MECOM: variants seen among roughly 807,000 people sequenced by gnomAD.
MECOM encodes the protein MDS1 and EVI1 complex locus.
Under a neutral mutation model 116.3 loss-of-function variants are expected in MECOM, and 13 were observed. The observed-to-expected ratio is 0.11, with a 90% CI of 0.07 to 0.18. The LOEUF is 0.18. Among genes scored for constraint, MECOM ranks in the 10% least tolerant of loss-of-function variants. The pLI, the probability that MECOM is intolerant of heterozygous loss-of-function variation, is 1.00. For missense variants in MECOM, 1,299 were observed against 1,509.0 expected (o/e 0.86, Z 2.31); for synonymous variants, 528 against 535.2 (o/e 0.99, Z 0.19).
intron 1 of MECOM, among the ~76,000 whole-genome samples, chr3:169,635,204 A>G (rs984906662): frequency 6.6e-6 from 1 of 152,224 alleles, no homozygotes; most frequent in African/African-American, 2.4e-5. Flanking sequence ...TTGTTTTCTC[A>G]TCTATAAAAC....
chr3:169,299,284 C>T (rs1438454858), intron 2 of MECOM, among the ~76,000 whole-genome samples: 2 of 152,062 alleles, frequency 1.3e-5, no homozygotes, highest in Non-Finnish European at 2.9e-5. Context: ...GTAAACCCGC[C>T]GCCCAAACCG....
rs1200645292 is a variant in MECOM, at chr3:169,442,861, G to T, written c.38-61337C>A. ...ACCCTGAATACAGAATTGGTCAAAT[G>T]GAGTAGTATCTTTATGGCCCTAATA... On this transcript the variant is annotated intron_variant, in intron 1 of 16. Coordinates refer to ENST00000651503, the MANE Select transcript of MECOM (RefSeq NM_004991.4). 3.3e-5 allele frequency among the ~76,000 whole-genome samples: 5 copies of T among 152,078 alleles called. No homozygotes were observed. In the East Asian group the frequency reaches 9.6e-4, roughly 29 times the overall value.
chr3:169,312,395 G>A (rs1486705194), intron 2 of MECOM, among the ~76,000 whole-genome samples: 4 of 138,018 alleles, frequency 2.9e-5, no homozygotes, highest in African/African-American at 8.2e-5. Context: ...TTGAGTTGGA[G>A]CCTCACTCTG....
At chr3:169,241,975 G>A (rs1754874232) in intron 2 of MECOM, among the ~76,000 whole-genome samples, 4 of 152,180 alleles carry the variant, frequency 2.6e-5, no homozygotes, top group Admixed American at 6.5e-5. Flanking sequence ...AGTGCTGAGA[G>A]TAGATAAACA....
chr3:169,483,738 T>A, intron 1 of MECOM: 1 of 1,594,206 alleles, frequency 6.3e-7, no homozygotes, highest in Non-Finnish European at 8.6e-7. Flanking sequence ...GTAACTCTCT[T>A]TGCTGTTAGC....
At chr3:169,278,015 G>T (rs1024234758) in intron 2 of MECOM, among the ~76,000 whole-genome samples, 2 of 152,190 alleles carry the variant, frequency 1.3e-5, no homozygotes, top group Non-Finnish European at 2.9e-5. Flanking sequence ...TAAAACAGTT[G>T]CTATATTTAC....
intron 2 of MECOM, among the ~76,000 whole-genome samples, chr3:169,368,344 G>A (rs767624259): frequency 7.9e-5 from 12 of 151,962 alleles, no homozygotes; most frequent in Non-Finnish European, 1.6e-4. Flanking sequence ...ACAGAATTAT[G>A]TATAAAGAGA....
chr3:169,140,835 T>C (rs1737878654), intron 3 of MECOM, among the ~76,000 whole-genome samples: 1 of 151,972 alleles, frequency 6.6e-6, no homozygotes, highest in Non-Finnish European at 1.5e-5. Context: ...TGATACAAAA[T>C]AGATTACATC....
intron 1 of MECOM, among the ~76,000 whole-genome samples, chr3:169,556,630 G>C (rs1560428316): frequency 6.6e-6 from 1 of 152,152 alleles, no homozygotes; most frequent in African/African-American, 2.4e-5. Flanking sequence ...AAAATAAAGA[G>C]AAGTGTCAGT....
chr3:169,661,350 C>T (rs1776263263), intron 1 of MECOM, among the ~76,000 whole-genome samples: 3 of 150,950 alleles, frequency 2.0e-5, no homozygotes, highest in African/African-American at 7.3e-5. Context: ...ACCTTTAGTC[C>T]AAATCGAAGC....
chr3:169,095,306 G>T, intron 12 of MECOM, 61 bp from the exon 13 acceptor site: 2 of 1,417,326 alleles, frequency 1.4e-6, no homozygotes, highest in Non-Finnish European at 1.9e-6. Context: ...CTCAAGACTA[G>T]TTAGCCAGCT....
chr3:169,656,716 G>A (rs542335351), intron 1 of MECOM, among the ~76,000 whole-genome samples: 2 of 152,148 alleles, frequency 1.3e-5, no homozygotes, highest in South Asian at 4.2e-4. Flanking sequence ...AAATGTTATG[G>A]GCTTTACCGT....
chr3:169,519,236 T>C (rs1485668843), intron 1 of MECOM, among the ~76,000 whole-genome samples: 2 of 152,216 alleles, frequency 1.3e-5, no homozygotes, highest in Non-Finnish European at 2.9e-5. Context: ...TATAGAATCA[T>C]ATTATATTGG....
At chr3:169,303,028 T>G (rs189323447) in intron 2 of MECOM, among the ~76,000 whole-genome samples, 36 of 152,306 alleles carry the variant, frequency 2.4e-4, no homozygotes, top group Admixed American at 2.0e-3. Context: ...AGAGATGACA[T>G]ATACTCAACT....
At chr3:169,480,397 G>A (rs1163715019) in intron 1 of MECOM, among the ~76,000 whole-genome samples, 1 of 151,836 alleles carries the variant, frequency 6.6e-6, no homozygotes, top group East Asian at 1.9e-4. Flanking sequence ...CAGGTGGCTC[G>A]CTGGCCCTAC....
At chr3:169,149,919 CTCTCTT>C (rs1176357833) in intron 2 of MECOM, among the ~76,000 whole-genome samples, 3 of 138,918 alleles carry the variant, frequency 2.2e-5, no homozygotes, top group Non-Finnish European at 4.7e-5. Flanking sequence ...AAATCTTAAT[CTCTCTT>C]TCTCTCTCTC....
intron 1 of MECOM, among the ~76,000 whole-genome samples, chr3:169,402,148 GAA>G (rs1736004517): frequency 6.6e-6 from 1 of 152,136 alleles, no homozygotes. Context: ...TAAGGGAGTG[GAA>G]CGGGGATAAA....
rs371565409 is a variant in MECOM at position 169,643,052 on chromosome 3, T to C, written c.37+20284A>G. On this transcript the variant is annotated intron_variant, in intron 1 of 16. Coordinates refer to ENST00000651503, the MANE Select transcript of MECOM (RefSeq NM_004991.4). ...GGGCTGCAAAGGAGAGCAAAAAATA[T>C]CTACAAATGGTTACTGCAACTGGTC... Among the ~76,000 whole-genome samples the C allele has an allele frequency of 2.0e-5, 3 of 152,154 alleles. No homozygotes were observed. The East Asian group carries it at 5.8e-4, about 29-fold the overall frequency.
chr3:169,409,037 T>C (rs1156410612), intron 1 of MECOM, among the ~76,000 whole-genome samples: 4 of 152,050 alleles, frequency 2.6e-5, no homozygotes, highest in South Asian at 2.1e-4. Context: ...GTTTCAGACA[T>C]GCTTAAGAAG....
Sources: allele counts gnomAD v4.1 joint callset (sites outside exome capture counted in the v4.1 genomes callset), GRCh38; gene constraint gnomAD v4.1.1; transcripts MANE v1.5; gene names NCBI Gene and HGNC (gene_info 2026-07-23, HGNC 2026-07-21).